Variants in NEK7 observed in about 807,000 individuals in gnomAD.
NEK7 encodes serine/threonine-protein kinase Nek7.
In NEK7, 18 loss-of-function variants were observed where a neutral mutation model predicts 44.6. The observed-to-expected ratio is 0.40, with a 90% CI of 0.28 to 0.60. The LOEUF (loss-of-function observed/expected upper bound fraction) is 0.60, where lower values mean the gene tolerates loss of function less well. Among genes scored for constraint, NEK7 ranks in the 20% least tolerant of loss-of-function variants. The pLI, the probability that NEK7 is intolerant of heterozygous loss-of-function variation, is 0.38. For missense variants in NEK7, 256 were observed against 366.5 expected (o/e 0.70, Z 2.46); for synonymous variants, 130 against 121.1 (o/e 1.07, Z -0.48).
At chr1:198,161,516 C>T (rs1235649052) in intron 1 of NEK7, among the ~76,000 whole-genome samples, 2 of 152,158 alleles carry the variant, frequency 1.3e-5, no homozygotes, top group African/African-American at 4.8e-5. Context: ...TGGGTTGATT[C>T]GGAATTTTCC....
At chr1:198,310,313 T>G (rs1039914379) in intron 9 of NEK7, among the ~76,000 whole-genome samples, 3 of 152,136 alleles carry the variant, frequency 2.0e-5, no homozygotes, top group African/African-American at 4.8e-5. Flanking sequence ...CTTGTAGATT[T>G]GTTTGAGTTC....
In NEK7 at chr1:198,262,607, T is replaced by C. The variant is rs758286077; in HGVS notation, c.231T>C (p.Ala77=). The C allele has an allele frequency of 6.3e-7, 1 of 1,596,382 alleles. No homozygotes were observed. Among genetic ancestry groups the C allele is most frequent in the Non-Finnish European group, 8.6e-7 (1 of 1,168,166 alleles). Residue 77 remains alanine, a synonymous_variant, in exon 4 of 10, where the codon GCT becomes GCC. Coordinates refer to ENST00000367385, the MANE Select transcript of NEK7 (RefSeq NM_133494.3). ...ATTTAATGGATGCCAAAGCACGTGC[T>C]GATTGCATCAAAGAAATAGATCTTC... The part of the protein sequence containing the change: ...IFDLMDAKAR[A]DCIKEIDLLK...
intron 9 of NEK7, among the ~76,000 whole-genome samples, chr1:198,312,735 G>A (rs887596717): frequency 2.2e-4 from 33 of 151,232 alleles, no homozygotes; most frequent in Admixed American, 1.2e-3. Flanking sequence ...CAGTTTCCAT[G>A]TAGTTGAGCG....
chr1:198,189,856 GA>G (rs1386876059), intron 1 of NEK7, among the ~76,000 whole-genome samples: 1 of 152,018 alleles, frequency 6.6e-6, no homozygotes, highest in Non-Finnish European at 1.5e-5. Flanking sequence ...TGTTGGATGT[GA>G]ATAAAGAATT....
In NEK7 at chr1:198,319,441, C is replaced by T; in HGVS notation, c.828C>T (p.Asn276=). The change falls in exon 10 of 10, where the codon AAC becomes AAT. Residue 276 remains asparagine (N), a synonymous_variant. Transcript: ENST00000367385. ...ELRQLVNMCI[N]PDPEKRPDVT... ...GACAGTTAGTTAATATGTGCATCAA[C>T]CCAGATCCAGAGAAGCGACCAGACG... The T allele has an allele frequency of 1.2e-6, 2 of 1,612,912 alleles. No homozygotes were observed. Among genetic ancestry groups the T allele is most frequent in the Non-Finnish European group, 1.7e-6 (2 of 1,179,224 alleles).
intron 5 of NEK7, among the ~76,000 whole-genome samples, chr1:198,270,279 G>A (rs1284480319): frequency 2.0e-5 from 3 of 151,592 alleles, no homozygotes; most frequent in South Asian, 2.1e-4. Flanking sequence ...AATTAATATA[G>A]GTCAATTTGA....
chr1:198,199,649 G>A (rs1247719119), intron 1 of NEK7, among the ~76,000 whole-genome samples: 3 of 151,578 alleles, frequency 2.0e-5, no homozygotes, highest in African/African-American at 7.3e-5. Flanking sequence ...GGATTGTTAC[G>A]TCTTGCTGAC....
intron 2 of NEK7, among the ~76,000 whole-genome samples, chr1:198,242,575 C>A (rs902188191): frequency 6.6e-6 from 1 of 150,988 alleles, no homozygotes; most frequent in African/African-American, 2.4e-5. Context: ...CATTCTCCTG[C>A]CTCAGCCTCC....
chr1:198,232,290 A>C (rs1666418749), intron 1 of NEK7, among the ~76,000 whole-genome samples: 1 of 152,174 alleles, frequency 6.6e-6, no homozygotes, highest in Admixed American at 6.6e-5. Flanking sequence ...GGCAGAATGC[A>C]GAAGAAGGAA....
rs944646879 is a variant in NEK7, at chr1:198,320,640, ACT to A, written c.*1121_*1122del. ...TTTTAAACTTTTTAAAATTTGGGCC[ACT>A]CTGTATGCATATGTTTGGTCTTGTT... On this transcript the variant is annotated 3_prime_UTR_variant, in exon 10 of 10. Transcript: ENST00000367385. 1.8e-4 allele frequency: 28 copies of A among 152,070 alleles called. No homozygotes were observed. Among genetic ancestry groups the A allele is most frequent in the African/African-American group, 6.5e-4 (27 of 41,486 alleles). The allele number at this position is 152,070 out of a possible 1,614,324, so 9.4% of individuals were successfully genotyped here. A position where few individuals can be genotyped will look rare whatever the true frequency, so the allele number is the denominator to read the frequency against.
At position 198,297,158 on chromosome 1, in the gene NEK7, A is replaced by G; in HGVS notation, c.716A>G (p.Asp239Gly). The G allele has an allele frequency of 6.2e-7, 1 of 1,613,330 alleles. No individual in the cohort carries two copies. The highest frequency in any genetic ancestry group is 1.1e-5 in the South Asian group (1 of 91,062). ...GCATTACAAAGTCCTTTCTATGGTG[A>G]CAAAATGAATTTATACTCACTGTGT... ...MAALQSPFYG[D>G]KMNLYSLCKK... The change falls in exon 9 of 10, where the codon GAC (aspartate) becomes GGC (glycine). Residue 239 changes from aspartate (D) to glycine (G), a missense_variant. By Grantham distance (94) the Asp-to-Gly change is moderately conservative. Coordinates refer to ENST00000367385, the MANE Select transcript of NEK7 (RefSeq NM_133494.3).
intron 1 of NEK7, among the ~76,000 whole-genome samples, chr1:198,187,397 G>C (rs746740641): frequency 2.0e-5 from 3 of 152,140 alleles, no homozygotes; most frequent in Non-Finnish European, 4.4e-5. Context: ...ATGTGAGTCA[G>C]CATCTCTTCC....
intron 1 of NEK7, among the ~76,000 whole-genome samples, chr1:198,185,411 C>G (rs67757867): frequency 0.15 from 22,725 of 151,664 alleles, 1,885 homozygotes; most frequent in East Asian, 0.22. Context: ...ATATTTTTAA[C>G]TTTATATTCC....
chr1:198,295,250 A>T (rs1283715186), intron 8 of NEK7, among the ~76,000 whole-genome samples: 2 of 152,064 alleles, frequency 1.3e-5, no homozygotes, highest in Non-Finnish European at 2.9e-5. Context: ...GCATCCTTAC[A>T]GGGTTGTAGG....
chr1:198,225,918 TA>T (rs974089103), intron 1 of NEK7, among the ~76,000 whole-genome samples: 1 of 152,160 alleles, frequency 6.6e-6, no homozygotes, highest in Non-Finnish European at 1.5e-5. Context: ...ATTTTATACT[TA>T]ATTTGTAGCA....
chr1:198,198,081 A>G, intron 1 of NEK7: 2 of 1,437,016 alleles, frequency 1.4e-6, no homozygotes, highest in Non-Finnish European at 1.9e-6. Context: ...CCTTGGGGAA[A>G]GGGTGGATTG....
At chr1:198,269,674 T>C (rs1436016887) in intron 5 of NEK7, among the ~76,000 whole-genome samples, 2 of 152,124 alleles carry the variant, frequency 1.3e-5, no homozygotes, top group Non-Finnish European at 2.9e-5. Flanking sequence ...TTCTGGTCTG[T>C]ATTCCAGAAA....
At chr1:198,311,649 G>A (rs181284657) in intron 9 of NEK7, among the ~76,000 whole-genome samples, 11 of 151,802 alleles carry the variant, frequency 7.2e-5, no homozygotes, top group Non-Finnish European at 1.3e-4. Flanking sequence ...TAGCATGAAG[G>A]GTTATTGAAT....
intron 1 of NEK7, among the ~76,000 whole-genome samples, chr1:198,188,077 C>CT (rs1323308262): frequency 6.6e-6 from 1 of 152,184 alleles, no homozygotes; most frequent in Non-Finnish European, 1.5e-5. Flanking sequence ...CTGATCCCAT[C>CT]TGTGTTTGCT....
Sources: allele counts gnomAD v4.1 joint callset (sites outside exome capture counted in the v4.1 genomes callset), GRCh38; gene constraint gnomAD v4.1.1; transcripts MANE v1.5; gene names NCBI Gene and HGNC (gene_info 2026-07-23, HGNC 2026-07-21).